Variants in ZMIZ1 observed in about 807,000 individuals in gnomAD.
The protein encoded by ZMIZ1 is zinc finger MIZ-type containing 1, also known as zinc finger MIZ domain-containing protein 1.
ZMIZ1 carries 17 observed loss-of-function variants against 113.9 expected under a neutral mutation model. The observed-to-expected ratio is 0.15, with a 90% CI of 0.10 to 0.22. ZMIZ1 has a LOEUF of 0.22. ZMIZ1 is among the 10% of genes least tolerant of loss of function. ZMIZ1 has a pLI of 1.00. For missense variants in ZMIZ1, 1,059 were observed against 1,477.8 expected, an observed-to-expected ratio of 0.72 and a Z score of 4.65; for synonymous variants, 607 against 603.1, an observed-to-expected ratio of 1.01 and a Z score of -0.09.
chr10:79,279,368 G>A (rs895680716), intron 8 of ZMIZ1, among the ~76,000 whole-genome samples: 1 of 151,980 alleles, frequency 6.6e-6, no homozygotes, highest in Non-Finnish European at 1.5e-5. Context: ...CTCAGACGGG[G>A]TGGCGGGGCA....
At chr10:79,243,484 G>T (rs1272036963) in intron 7 of ZMIZ1, among the ~76,000 whole-genome samples, 1 of 148,168 alleles carries the variant, frequency 6.7e-6, no homozygotes, top group Non-Finnish European at 1.5e-5. Flanking sequence ...GGGCAGCAGC[G>T]AGCGGGAGCG....
intron 7 of ZMIZ1, among the ~76,000 whole-genome samples, chr10:79,221,495 G>A (rs1349371677): frequency 1.3e-5 from 2 of 152,190 alleles, no homozygotes; most frequent in East Asian, 1.9e-4. Context: ...TGCCTGGCCC[G>A]GCATCCTGAT....
Position 79,316,453 on chromosome 10 carries a change from TGTTGTAACACTGAGGTATCTC to T in ZMIZ1, c.*3705_*3725del, listed in dbSNP as rs1223816693. 1 of 152,832 alleles carries T rather than the reference TGTTGTAACACTGAGGTATCTC, an allele frequency of 6.5e-6. No individual in the cohort carries two copies. The highest frequency in any genetic ancestry group is 2.4e-5 in the African/African-American group (1 of 41,470). The allele number at this position is 152,832 out of a possible 1,614,324, so 9.5% of individuals were successfully genotyped here. On this transcript the variant is annotated 3_prime_UTR_variant, in exon 25 of 25. Coordinates refer to ENST00000334512, the MANE Select transcript of ZMIZ1 (RefSeq NM_020338.4). ...ACTATTGCTAGACATTTCTATACTCTGTTGTAACACTGAGGTATCTCATTTGCCCATGTTAATTTTTTTCTA... is the reference window on the plus strand; with the variant it reads ...ACTATTGCTAGACATTTCTATACTCTATTTGCCCATGTTAATTTTTTTCTA...
chr10:79,246,642 C>T (rs942335001), intron 7 of ZMIZ1, among the ~76,000 whole-genome samples: 1 of 152,168 alleles, frequency 6.6e-6, no homozygotes, highest in East Asian at 1.9e-4. Flanking sequence ...CCCGCCACAC[C>T]GTGTCACAGA....
chr10:79,129,240 T>C (rs1844649593), intron 2 of ZMIZ1, among the ~76,000 whole-genome samples: 1 of 151,950 alleles, frequency 6.6e-6, no homozygotes, highest in South Asian at 2.1e-4. Flanking sequence ...ACACAGAGAG[T>C]AGTTGAACTG....
chr10:79,308,440 A>G (rs189900897), intron 23 of ZMIZ1, among the ~76,000 whole-genome samples: 5 of 152,294 alleles, frequency 3.3e-5, no homozygotes, highest in Admixed American at 6.5e-5. Context: ...AGGAGGGGCC[A>G]TCACTGAGCA....
chr10:79,193,765 G>A (rs1445280375), intron 4 of ZMIZ1, among the ~76,000 whole-genome samples: 9 of 152,198 alleles, frequency 5.9e-5, no homozygotes, highest in African/African-American at 2.2e-4. Context: ...GAGGTGTCCA[G>A]GCATTGCGGG....
intron 7 of ZMIZ1, among the ~76,000 whole-genome samples, chr10:79,219,511 A>G (rs1564532375): frequency 2.0e-5 from 3 of 152,116 alleles, no homozygotes; most frequent in South Asian, 2.1e-4. Context: ...GCCCCATCAC[A>G]CCAGGCCTGG....
At chr10:79,131,780 G>A (rs759715238) in intron 2 of ZMIZ1, among the ~76,000 whole-genome samples, 6 of 152,160 alleles carry the variant, frequency 3.9e-5, no homozygotes, top group South Asian at 2.1e-4. Context: ...GAATGTCATC[G>A]CAAGGGCCCG....
chr10:79,190,734 AAAT>A (rs1847564124), intron 4 of ZMIZ1, among the ~76,000 whole-genome samples: 1 of 152,134 alleles, frequency 6.6e-6, no homozygotes, highest in Admixed American at 6.5e-5. Context: ...CCACAAACTG[AAAT>A]AATACTTGTT....
chr10:79,221,589 C>G (rs749510160), intron 7 of ZMIZ1, among the ~76,000 whole-genome samples: 3 of 151,986 alleles, frequency 2.0e-5, no homozygotes, highest in African/African-American at 4.8e-5. Flanking sequence ...TGGCGGGCAG[C>G]ACTGAAATGT....
intron 2 of ZMIZ1, among the ~76,000 whole-genome samples, chr10:79,127,103 C>T (rs1589304371): frequency 1.3e-5 from 2 of 152,206 alleles, no homozygotes; most frequent in African/African-American, 4.8e-5. Context: ...GCCTCCTTCC[C>T]TCCTGCTGGG....
At chr10:79,308,631 C>T (rs894773689) in intron 23 of ZMIZ1, among the ~76,000 whole-genome samples, 1 of 152,164 alleles carries the variant, frequency 6.6e-6, no homozygotes, top group Non-Finnish European at 1.5e-5. Flanking sequence ...CCCTCAGGAC[C>T]CCAGGAGTCC....
chr10:79,219,640 C>T (rs929436984), intron 7 of ZMIZ1, among the ~76,000 whole-genome samples: 1 of 152,170 alleles, frequency 6.6e-6, no homozygotes, highest in Non-Finnish European at 1.5e-5. Flanking sequence ...GTTCTTTCCT[C>T]CATCTGCACC....
chr10:79,250,697 G>A (rs1278014635), intron 7 of ZMIZ1, among the ~76,000 whole-genome samples: 3 of 152,240 alleles, frequency 2.0e-5, no homozygotes, highest in African/African-American at 4.8e-5. Context: ...TCTGTGAGTC[G>A]AGCCATGTTG....
intron 12 of ZMIZ1, 154 bp downstream of exon 12, chr10:79,293,807 G>C: frequency 8.8e-7 from 1 of 1,132,934 alleles, no homozygotes; most frequent in Non-Finnish European, 1.3e-6. Context: ...TCCTGGGTTT[G>C]AGACCTGGTT....
At chr10:79,109,721 C>G (rs996357172) in intron 1 of ZMIZ1, among the ~76,000 whole-genome samples, 4 of 152,240 alleles carry the variant, frequency 2.6e-5, no homozygotes, top group Non-Finnish European at 4.4e-5. Context: ...GCCAGGTGCA[C>G]AAACCCAGGC....
At chr10:79,267,788 C>G (rs970670834) in intron 7 of ZMIZ1, among the ~76,000 whole-genome samples, 1 of 152,184 alleles carries the variant, frequency 6.6e-6, no homozygotes, top group African/African-American at 2.4e-5. Flanking sequence ...CTTCCTTCAC[C>G]TCATGGTTCC....
rs775974502 is a variant in ZMIZ1 at position 79,291,072 on chromosome 10, G to A, written c.654G>A (p.Gly218=). The part of the protein sequence containing the change: ...NPGLNSPQFA[G]QQQQFSAKAG... ...GCCTCAACTCCCCACAGTTTGCGGGGCAGCAGCAGCAGTTCTCAGCCAAGG... is the reference window on the plus strand; with the variant it reads ...GCCTCAACTCCCCACAGTTTGCGGGACAGCAGCAGCAGTTCTCAGCCAAGG... The change falls in exon 10 of 25, where the codon GGG becomes GGA. Residue 218 remains glycine, a synonymous_variant. Coordinates refer to ENST00000334512, the MANE Select transcript of ZMIZ1 (RefSeq NM_020338.4). 1 of 1,614,194 alleles carries A rather than the reference G, an allele frequency of 6.2e-7. No individual in the cohort carries two copies. Among genetic ancestry groups the A allele is most frequent in the East Asian group, 2.2e-5 (1 of 44,888 alleles).
Sources: gnomAD v4.1 joint callset for allele counts (sites outside exome capture counted in the v4.1 genomes callset) on GRCh38, gnomAD v4.1.1 for gene constraint, MANE v1.5 for transcripts, NCBI Gene and HGNC (gene_info 2026-07-23, HGNC 2026-07-21) for gene names.